The following ITIH5 variants were observed in gnomAD, a reference collection of about 807,000 sequenced individuals.
ITIH5 encodes the protein inter-alpha-trypsin inhibitor heavy chain H5.
A neutral mutation model predicts 77.5 loss-of-function variants in ITIH5; 65 were observed. The observed-to-expected ratio is 0.84, with a 90% CI of 0.69 to 1.03. The LOEUF (loss-of-function observed/expected upper bound fraction) is 1.03. Among genes scored for constraint, ITIH5 ranks in the 50% least tolerant of loss-of-function variants. The pLI is 0.00. For synonymous variants in ITIH5, 525 were observed against 494.3 expected, an observed-to-expected ratio of 1.06 and a Z score of -0.82; for missense variants, 1,208 against 1,213.1, an observed-to-expected ratio of 1.00 and a Z score of 0.06.
At chr10:7,570,099 C>T (rs1171912572) in intron 11 of ITIH5, 1 of 195,522 alleles carries the variant, frequency 5.1e-6, no homozygotes, top group African/African-American at 2.3e-5. Context: ...AGAGAGATCC[C>T]CACACACCTT....
chr10:7,591,694 A>G (rs566541885), intron 7 of ITIH5, among the ~76,000 whole-genome samples: 2 of 152,048 alleles, frequency 1.3e-5, no homozygotes, highest in South Asian at 4.2e-4. Flanking sequence ...TGAACTTCCA[A>G]GAGAGCCCTT....
intron 1 of ITIH5, among the ~76,000 whole-genome samples, chr10:7,665,834 C>G (rs1234905658): frequency 6.6e-6 from 1 of 152,160 alleles, no homozygotes; most frequent in Non-Finnish European, 1.5e-5. Context: ...ATTTTATTAG[C>G]TACTCCCCCC....
chr10:7,566,046 G>T lies in ITIH5; in HGVS notation c.2511C>A (p.Asn837Lys). 1.2e-6 allele frequency: 2 copies of T among 1,613,948 alleles called. No individual in the cohort carries two copies. The highest frequency in any genetic ancestry group is 1.7e-6 in the Non-Finnish European group (2 of 1,179,916). ...GCTTCCTACCCAGCAGTCCGTGGCAGTTGCTGGAAAGGCCCTCGCTGTTGG... is the reference window on the plus strand; with the variant it reads ...GCTTCCTACCCAGCAGTCCGTGGCATTTGCTGGAAAGGCCCTCGCTGTTGG... ...YIANSEGLSS[N>K]CHGLLGQFLN... Residue 837 changes from asparagine (N) to lysine (K), a missense_variant, in exon 13 of 14, where the codon AAC becomes AAA. Physicochemically the swap from Asn to Lys is moderately conservative, Grantham distance 94. Coordinates refer to ENST00000397146, the MANE Select transcript of ITIH5 (RefSeq NM_030569.7).
At chr10:7,641,676 GGGAA>G (rs1564275807) in intron 3 of ITIH5, among the ~76,000 whole-genome samples, 3 of 72,208 alleles carry the variant, frequency 4.2e-5, no homozygotes, top group African/African-American at 5.9e-5. Flanking sequence ...GAGGGAGGCA[GGGAA>G]GGAGGGAGGG....
intron 7 of ITIH5, among the ~76,000 whole-genome samples, chr10:7,611,127 G>A (rs187270775): frequency 1.3e-5 from 2 of 152,206 alleles, no homozygotes; most frequent in Admixed American, 6.5e-5. Flanking sequence ...TTACTTGCAC[G>A]GTACATGGCT....
intron 1 of ITIH5, among the ~76,000 whole-genome samples, chr10:7,666,289 C>T (rs1354635022): frequency 1.3e-5 from 2 of 152,196 alleles, no homozygotes; most frequent in Non-Finnish European, 2.9e-5. Flanking sequence ...CTTTGGCTCT[C>T]GGTGCCACCT....
intron 2 of ITIH5, among the ~76,000 whole-genome samples, chr10:7,647,172 T>G (rs1488344817): frequency 6.6e-6 from 1 of 152,236 alleles, no homozygotes; most frequent in African/African-American, 2.4e-5. Flanking sequence ...GGAAAGTCCT[T>G]TCAGATGTCC....
chr10:7,589,586 G>T (rs934364834), intron 7 of ITIH5, among the ~76,000 whole-genome samples: 5 of 152,048 alleles, frequency 3.3e-5, no homozygotes, highest in African/African-American at 1.2e-4. Context: ...GAAAAGAACA[G>T]CAATGGAGTG....
intron 7 of ITIH5, among the ~76,000 whole-genome samples, chr10:7,594,367 GC>G (rs1229595749): frequency 6.6e-6 from 1 of 152,128 alleles, no homozygotes; most frequent in Non-Finnish European, 1.5e-5. Flanking sequence ...ACCCCAGGAA[GC>G]CACGCTCGTG....
intron 1 of ITIH5, among the ~76,000 whole-genome samples, chr10:7,663,235 C>T (rs1490174356): frequency 6.6e-6 from 1 of 152,236 alleles, no homozygotes; most frequent in East Asian, 1.9e-4. Flanking sequence ...TCAGAAAGGA[C>T]TTCCTGGTTG....
intron 7 of ITIH5, among the ~76,000 whole-genome samples, chr10:7,586,886 A>C (rs971981711): frequency 6.6e-6 from 1 of 151,930 alleles, no homozygotes; most frequent in Admixed American, 6.6e-5. Flanking sequence ...GCTGGAATGC[A>C]GTGGCGCGAT....
rs1832042984 is a variant in ITIH5, at chr10:7,561,697, C to CT, written c.*1385_*1386insA. On this transcript the variant is annotated 3_prime_UTR_variant, in exon 14 of 14. Coordinates refer to ENST00000397146, the MANE Select transcript of ITIH5 (RefSeq NM_030569.7). ...TGAATGTTTCCCCAGGGAAGGCAAA[C>CT]ATGATAAAGAATTTTCTTAACTCAG... 1 of 152,202 alleles carries CT rather than the reference C, an allele frequency of 6.6e-6. No individual in the cohort carries two copies. 9.4% of individuals were successfully genotyped at this position (152,202 alleles called of 1,614,324 possible). A position where few individuals can be genotyped will look rare whatever the true frequency, so the allele number is the denominator to read the frequency against.
chr10:7,576,529 C>T lies in ITIH5; in HGVS notation c.1902G>A (p.Glu634=). The T allele has an allele frequency of 6.2e-7, 1 of 1,612,816 alleles. No individual in the cohort carries two copies. Among genetic ancestry groups the T allele is most frequent in the Non-Finnish European group, 8.5e-7 (1 of 1,179,992 alleles). The change falls in exon 10 of 14, where the codon GAG becomes GAA. Residue 634 remains glutamate (E), a synonymous_variant. Coordinates refer to ENST00000397146, the MANE Select transcript of ITIH5 (RefSeq NM_030569.7). Reference sequence around the variant, plus strand: ...TGGCAGCCGACATGCCGTGGGCCTCCTCCAGGCCATCCATGCGTGGGACCG... The same window carrying T: ...TGGCAGCCGACATGCCGTGGGCCTCTTCCAGGCCATCCATGCGTGGGACCG... The part of the protein sequence containing the change: ...RGPVPRMDGL[E]EAHGMSAAMG...
chr10:7,597,068 C>T (rs78372707), intron 7 of ITIH5, among the ~76,000 whole-genome samples: 19,094 of 62,444 alleles, frequency 0.31, 1,736 homozygotes, highest in South Asian at 0.51. Flanking sequence ...AAAAAAATTC[C>T]ACCAAAGAAA....
At chr10:7,604,361 G>A (rs4747541) in intron 7 of ITIH5, among the ~76,000 whole-genome samples, 142,785 of 152,194 alleles carry the variant, frequency 0.94, 67,501 homozygotes, top group Non-Finnish European at 1. Context: ...ACCTCAGAGC[G>A]CCCAAGCTCT....
intron 2 of ITIH5, among the ~76,000 whole-genome samples, chr10:7,654,303 C>T (rs1288355091): frequency 6.6e-6 from 1 of 152,228 alleles, no homozygotes; most frequent in South Asian, 2.1e-4. Flanking sequence ...AGTATGCTTA[C>T]AATTTACATG....
intron 2 of ITIH5, among the ~76,000 whole-genome samples, chr10:7,644,644 C>G (rs1364349172): frequency 2.5e-5 from 2 of 80,676 alleles, no homozygotes; most frequent in Non-Finnish European, 5.8e-5. Flanking sequence ...ACATATATAT[C>G]ATATATATCA....
At chr10:7,666,737 C>A in intron 1 of ITIH5, 66 bp downstream of exon 1, 1 of 1,350,414 alleles carries the variant, frequency 7.4e-7, no homozygotes. Flanking sequence ...AGAAGCTCCG[C>A]GGCCGGGCCG....
chr10:7,635,845 C>A (rs1833790315), intron 5 of ITIH5, among the ~76,000 whole-genome samples: 1 of 152,150 alleles, frequency 6.6e-6, no homozygotes, highest in Non-Finnish European at 1.5e-5. Flanking sequence ...TCCTGCCGAT[C>A]TTATCCCTAA....
Sources: gnomAD v4.1 joint callset for allele counts (sites outside exome capture counted in the v4.1 genomes callset) on GRCh38, gnomAD v4.1.1 for gene constraint, MANE v1.5 for transcripts, NCBI Gene and HGNC (gene_info 2026-07-23, HGNC 2026-07-21) for gene names.